The following MINDY3 variants were observed in gnomAD, a reference collection of about 807,000 sequenced individuals.
MINDY3 encodes MINDY lysine 48 deubiquitinase 3.
In MINDY3, 38 loss-of-function variants were observed where a neutral mutation model predicts 69.2. The ratio of observed to expected loss-of-function variants is 0.55; its 90% confidence interval spans 0.42 to 0.72. The LOEUF (loss-of-function observed/expected upper bound fraction) is 0.72. MINDY3 is among the 30% of genes least tolerant of loss of function. The probability of loss-of-function intolerance (pLI) is 0.00; values close to 1 mark genes in which losing one functional copy is unlikely to be tolerated. For synonymous variants in MINDY3, 192 were observed against 180.1 expected, an observed-to-expected ratio of 1.07 and a Z score of -0.53; for missense variants, 522 against 519.0, an observed-to-expected ratio of 1.01 and a Z score of -0.06.
chr10:15,798,639 G>A (rs1331709239), intron 10 of MINDY3, among the ~76,000 whole-genome samples: 1 of 152,020 alleles, frequency 6.6e-6, no homozygotes, highest in South Asian at 2.1e-4. Flanking sequence ...AAATAGCTGG[G>A]TGTGGTGGCA....
rs1369920654 is a variant in MINDY3 at position 15,856,242 on chromosome 10, T to C, written c.94+3964A>G. 1.3e-5 allele frequency among the ~76,000 whole-genome samples: 2 copies of C among 151,902 alleles called. 1 individual carries two copies. The highest frequency in any genetic ancestry group is 4.1e-4 in the South Asian group (2 of 4,834). On this transcript the variant is annotated intron_variant, in intron 1 of 14. Coordinates refer to ENST00000277632, the MANE Select transcript of MINDY3 (RefSeq NM_024948.4). ...CCTTTAAACCTTAAATTAACCCAAC[T>C]GTATTAACTCCTAATATATTTTATA...
chr10:15,834,274 A>C (rs745847827), intron 7 of MINDY3, among the ~76,000 whole-genome samples: 2 of 146,964 alleles, frequency 1.4e-5, no homozygotes, highest in Non-Finnish European at 2.9e-5. Flanking sequence ...TTTCTCATTT[A>C]AAAAAATTAC....
At chr10:15,805,535 T>G (rs1352316758) in intron 10 of MINDY3, among the ~76,000 whole-genome samples, 2 of 152,188 alleles carry the variant, frequency 1.3e-5, no homozygotes, top group African/African-American at 4.8e-5. Flanking sequence ...TGGTGGTAGA[T>G]AATATTATTG....
chr10:15,821,458 A>G (rs1231067138), intron 9 of MINDY3, among the ~76,000 whole-genome samples, 198 bp downstream of exon 9: 1 of 152,184 alleles, frequency 6.6e-6, no homozygotes, highest in Non-Finnish European at 1.5e-5. Flanking sequence ...CAGACCTAGC[A>G]TAGGAAACTC....
intron 11 of MINDY3, among the ~76,000 whole-genome samples, chr10:15,791,855 T>C (rs1837445641): frequency 6.6e-6 from 1 of 152,068 alleles, no homozygotes; most frequent in Non-Finnish European, 1.5e-5. Flanking sequence ...ACAATCAGGA[T>C]TTCTGTCCTG....
chr10:15,807,318 G>T (rs1435487873), intron 10 of MINDY3, among the ~76,000 whole-genome samples: 1 of 152,144 alleles, frequency 6.6e-6, no homozygotes, highest in Non-Finnish European at 1.5e-5. Context: ...GAAGTTGGAA[G>T]AAAGAACAGG....
chr10:15,845,054 C>T (rs1165261374), intron 2 of MINDY3, among the ~76,000 whole-genome samples: 2 of 150,728 alleles, frequency 1.3e-5, no homozygotes, highest in East Asian at 3.8e-4. Context: ...ATATTTACTG[C>T]AAATATTTCT....
intron 2 of MINDY3, among the ~76,000 whole-genome samples, chr10:15,846,178 T>C (rs750608013): frequency 6.6e-6 from 1 of 152,118 alleles, no homozygotes; most frequent in Non-Finnish European, 1.5e-5. Flanking sequence ...GTTCAGGATT[T>C]TGAATATAAC....
At chr10:15,804,989 A>G (rs1265428800) in intron 10 of MINDY3, among the ~76,000 whole-genome samples, 2 of 152,152 alleles carry the variant, frequency 1.3e-5, no homozygotes, top group African/African-American at 4.8e-5. Flanking sequence ...AACACAGCAG[A>G]CAGCCCTCTG....
intron 11 of MINDY3, among the ~76,000 whole-genome samples, chr10:15,793,492 G>C (rs1286511164): frequency 6.6e-6 from 1 of 152,118 alleles, no homozygotes; most frequent in Non-Finnish European, 1.5e-5. Context: ...GAAATGGGCA[G>C]AAATTGCTCA....
At chr10:15,820,913 C>T (rs913780945) in intron 9 of MINDY3, among the ~76,000 whole-genome samples, 4 of 152,098 alleles carry the variant, frequency 2.6e-5, no homozygotes, top group African/African-American at 9.7e-5. Context: ...AGTTTGAGAC[C>T]AGCCTGGGCA....
chr10:15,789,339 A>C lies in MINDY3; in HGVS notation c.956-20T>G, dbSNP rs1461575108. 6.3e-7 allele frequency: 1 copy of C among 1,575,644 alleles called. No homozygotes were observed. Among genetic ancestry groups the C allele is most frequent in the South Asian group, 1.1e-5 (1 of 89,926 alleles). On this transcript the variant is annotated intron_variant, in intron 11 of 14. Coordinates refer to ENST00000277632, the MANE Select transcript of MINDY3 (RefSeq NM_024948.4). ...CATTATCTAGGGGGGAAAAAATCAG[A>C]AACAACTTGAAATAAGAATTTACTT...
chr10:15,837,589 A>G, intron 5 of MINDY3: 3 of 1,362,846 alleles, frequency 2.2e-6, no homozygotes, highest in Non-Finnish European at 2.9e-6. Context: ...TGGCATCAGT[A>G]AATTCTTCAA....
chr10:15,788,397 AAGAAAGTATG>A (rs1564455474), intron 12 of MINDY3, among the ~76,000 whole-genome samples: 1 of 152,172 alleles, frequency 6.6e-6, no homozygotes, highest in African/African-American at 2.4e-5. Flanking sequence ...CATACTTTCA[AAGAAAGTATG>A]ACTGAACTCA....
chr10:15,813,171 G>A (rs1839125976), intron 10 of MINDY3, among the ~76,000 whole-genome samples: 2 of 152,066 alleles, frequency 1.3e-5, no homozygotes, highest in African/African-American at 2.4e-5. Flanking sequence ...AACAAGTCTA[G>A]TTGTCCTAAC....
chr10:15,817,350 G>C (rs971070336), intron 9 of MINDY3: 1 of 153,472 alleles, frequency 6.5e-6, no homozygotes, highest in African/African-American at 2.4e-5. Flanking sequence ...CAAAGGGAAA[G>C]AACATCTTTG....
At chr10:15,824,401 T>G (rs1228408845) in intron 8 of MINDY3, among the ~76,000 whole-genome samples, 3 of 152,192 alleles carry the variant, frequency 2.0e-5, no homozygotes, top group African/African-American at 7.2e-5. Context: ...ACCTGTTATT[T>G]TAAAGTGAAT....
intron 8 of MINDY3, among the ~76,000 whole-genome samples, chr10:15,831,358 G>A (rs1840444490): frequency 6.6e-6 from 1 of 152,176 alleles, no homozygotes; most frequent in African/African-American, 2.4e-5. Flanking sequence ...AAGGTTCAGT[G>A]AAATATAAAT....
chr10:15,820,118 T>C (rs1839653648), intron 9 of MINDY3, among the ~76,000 whole-genome samples: 1 of 152,202 alleles, frequency 6.6e-6, no homozygotes, highest in African/African-American at 2.4e-5. Flanking sequence ...TCATTAATTA[T>C]TCCTATTAAA....
Sources: gnomAD v4.1 joint callset for allele counts (sites outside exome capture counted in the v4.1 genomes callset) on GRCh38, gnomAD v4.1.1 for gene constraint, MANE v1.5 for transcripts, NCBI Gene and HGNC (gene_info 2026-07-23, HGNC 2026-07-21) for gene names.